MUC12: variants seen among roughly 807,000 people sequenced by gnomAD.
MUC12 encodes the protein mucin 12, cell surface associated, also known as mucin-12.
Under a neutral mutation model 230.8 loss-of-function variants are expected in MUC12, and 172 were observed. The observed-to-expected ratio is 0.75, with a 90% confidence interval of 0.66 to 0.85. MUC12 has a LOEUF of 0.85. MUC12 is among the 40% of genes least tolerant of loss of function. The probability of loss-of-function intolerance (pLI) is 0.00; values close to 1 mark genes in which losing one functional copy is unlikely to be tolerated. For synonymous variants in MUC12, 1,259 were observed against 2,401.9 expected (o/e 0.52, Z 13.91); for missense variants, 3,506 against 5,920.6 (o/e 0.59, Z 13.38).
Position 100,993,892 on chromosome 7 carries a change from C to A in MUC12, c.3329C>A (p.Ser1110Ter). 1 of 1,491,940 alleles carries A rather than the reference C, an allele frequency of 6.7e-7. No homozygotes were observed. Among genetic ancestry groups the A allele is most frequent in the Non-Finnish European group, 8.9e-7 (1 of 1,125,136 alleles). The allele number at this position is 1,491,940 out of a possible 1,614,324, so 92.4% of individuals were successfully genotyped here. ...ACCACCTTCTACAGCAGCCCCAGAT[C>A]ACCAACCACAACACTCTCACCTGCC... ...ASTTFYSSPR[S>*]PTTTLSPASM... The change falls in exon 2 of 12, where the codon TCA becomes TAA. Residue 1110 changes from serine (S) to a stop codon, truncating the protein, a stop_gained. Transcript: ENST00000536621. LOFTEE classifies it high-confidence loss of function.
In MUC12 at chr7:101,004,541, A is replaced by G. The variant is rs530493387; in HGVS notation, c.13978A>G (p.Ser4660Gly). 17 of 1,536,658 alleles carry G rather than the reference A, an allele frequency of 1.1e-5. No individual in the cohort carries two copies. Among genetic ancestry groups the G allele is most frequent in the African/African-American group, 2.8e-5 (2 of 72,714 alleles). ...TGTTGAAGAACCTACCAGCTACCAC[A>G]GCAGCCCGGGCTCAATTGCAACAAC... The part of the protein sequence containing the change: ...ALVEEPTSYH[S>G]SPGSIATTHF... The change falls in exon 2 of 12, where the codon AGC becomes GGC. Residue 4660 changes from serine (S) to glycine (G), a missense_variant. Physicochemically the swap from Ser to Gly is moderately conservative, Grantham distance 56. Transcript: ENST00000536621.
intron 1 of MUC12, among the ~76,000 whole-genome samples, chr7:100,975,807 AC>A (rs1372200756): frequency 6.6e-6 from 1 of 152,312 alleles, no homozygotes; most frequent in Non-Finnish European, 1.5e-5. Flanking sequence ...CATTGTCTGA[AC>A]TTCCACAGAG....
At chr7:100,990,168 G>A (rs1793256081) in intron 1 of MUC12, among the ~76,000 whole-genome samples, 1 of 152,238 alleles carries the variant, frequency 6.6e-6, no homozygotes, top group African/African-American at 2.4e-5. Flanking sequence ...AGGACACACG[G>A]CAAGAAGTGA....
Position 100,991,256 on chromosome 7 carries a change from T to G in MUC12, c.693T>G (p.Thr231=), listed in dbSNP as rs1203271702. 32 of 1,537,412 alleles carry G rather than the reference T, an allele frequency of 2.1e-5. No individual in the cohort carries two copies. The highest frequency in any genetic ancestry group is 2.8e-5 in the Non-Finnish European group (32 of 1,146,974). The change falls in exon 2 of 12, where the codon ACT becomes ACG. Residue 231 remains threonine, a synonymous_variant. Transcript: ENST00000536621. ...CCTTCCACAGCAGCCCAGGCTACAC[T>G]AAAACAACACGCTTACCTGACAACA... ...STTFHSSPGY[T]KTTRLPDNTT... is the part of the protein sequence containing the mutation.
intron 3 of MUC12, among the ~76,000 whole-genome samples, chr7:101,008,285 C>G (rs924671754): frequency 3.3e-5 from 5 of 151,916 alleles, no homozygotes; most frequent in African/African-American, 7.3e-5. Context: ...CACTACCATG[C>G]CTGGTTAATT....
In MUC12 at chr7:101,013,014, C is replaced by G. The variant is rs1793860933; in HGVS notation, c.15510C>G (p.Thr5170=). The G allele has an allele frequency of 6.5e-7, 1 of 1,537,230 alleles. No individual in the cohort carries two copies. The highest frequency in any genetic ancestry group is 8.7e-7 in the Non-Finnish European group (1 of 1,146,948). The change falls in exon 8 of 12, where the codon ACC becomes ACG. Residue 5170 remains threonine (T), a synonymous_variant. Transcript: ENST00000536621. ...QCTQKAAEGY[T]QFYYVDVLDG... is the part of the protein sequence containing the mutation. ...CCCAGAAGGCTGCCGAAGGATATAC[C>G]CAGTTCTACTATGTGGATGTCTTGG...
chr7:101,018,544 C>T, intron 11 of MUC12, 51 bp from the exon 12 acceptor site: 2 of 1,531,508 alleles, frequency 1.3e-6, no homozygotes, highest in East Asian at 2.5e-5. Context: ...CTGGGGCTCC[C>T]CCTTTCCCGG....
Position 101,004,711 on chromosome 7 carries a change from C to G in MUC12, c.14148C>G (p.Ile4716Met), listed in dbSNP as rs774588649. ...TTGCAGAATCTACCACCTTCTATAT[C>G]TCTCCAGGCTCAATGGAAACAACAT... ...GRIAESTTFY[I>M]SPGSMETTLA... Residue 4716 changes from isoleucine to methionine, a missense_variant, in exon 2 of 12, where the codon ATC becomes ATG. By Grantham distance (10) the Ile-to-Met change is conservative (BLOSUM62 1). Coordinates refer to ENST00000536621, the MANE Select transcript of MUC12 (RefSeq NM_001164462.2). 6 of 1,536,950 alleles carry G rather than the reference C, an allele frequency of 3.9e-6. No homozygotes were observed. In the East Asian group the frequency reaches 9.8e-5, roughly 25 times the overall value.
chr7:100,981,210 G>T (rs1251123143), intron 1 of MUC12, among the ~76,000 whole-genome samples: 2 of 152,132 alleles, frequency 1.3e-5, no homozygotes, highest in African/African-American at 4.8e-5. Context: ...CCTTTGCCTA[G>T]CTTCCTTGTG....
chr7:101,011,034 A>G (rs1314316622), intron 5 of MUC12, among the ~76,000 whole-genome samples: 1 of 152,166 alleles, frequency 6.6e-6, no homozygotes, highest in Middle Eastern at 3.2e-3. Context: ...GAGATGGCTC[A>G]GGTCGGGGGT....
At chr7:100,990,534 G>A in intron 1 of MUC12, 97 bp from the exon 2 acceptor site, 1 of 1,413,014 alleles carries the variant, frequency 7.1e-7, no homozygotes, top group Non-Finnish European at 9.6e-7. Context: ...GGCTGACCAG[G>A]TGTCTTCCAG....
chr7:101,012,625 C>T (rs1277692584), intron 6 of MUC12, among the ~76,000 whole-genome samples, 178 bp downstream of exon 6: 1 of 152,116 alleles, frequency 6.6e-6, no homozygotes, highest in Non-Finnish European at 1.5e-5. Context: ...AGCCCCCTCT[C>T]GGTCCCAGGC....
Position 100,991,361 on chromosome 7 carries a change from C to A in MUC12, c.798C>A (p.Ser266=). Reference sequence around the variant, plus strand: ...CGCCACACACAACACTGTCCCCTTCCAGCTCTACAACCCATGAGGGAGAAC... The same window carrying A: ...CGCCACACACAACACTGTCCCCTTCAAGCTCTACAACCCATGAGGGAGAAC... ...TGSPHTTLSP[S]SSTTHEGEPT... is the part of the protein sequence containing the mutation. Residue 266 remains serine (S), a synonymous_variant, in exon 2 of 12, where the codon TCC becomes TCA. Coordinates refer to ENST00000536621, the MANE Select transcript of MUC12 (RefSeq NM_001164462.2). 4 of 1,537,858 alleles carry A rather than the reference C, an allele frequency of 2.6e-6. No individual in the cohort carries two copies. The South Asian group carries it at 4.8e-5, about 18-fold the overall frequency.
chr7:100,969,632 A>G lies in MUC12; in HGVS notation c.10A>G (p.Ile4Val). 1 of 1,537,452 alleles carries G rather than the reference A, an allele frequency of 6.5e-7. No homozygotes were observed. Among genetic ancestry groups the G allele is most frequent in the Non-Finnish European group, 8.7e-7 (1 of 1,146,954 alleles). Reference sequence around the variant, plus strand: ...GCCCGTTCCCCGGGAGATGCTGGTGATCTGGATTCTGACGCTGGCTCTCCG... The same window carrying G: ...GCCCGTTCCCCGGGAGATGCTGGTGGTCTGGATTCTGACGCTGGCTCTCCG... MLVIWILTLALRLC... is the reference protein window; with the variant it reads MLVVWILTLALRLC... Residue 4 changes from isoleucine to valine, a missense_variant, in exon 1 of 12, where the codon ATC becomes GTC. By Grantham distance (29) the Ile-to-Val change is conservative. Coordinates refer to ENST00000536621, the MANE Select transcript of MUC12 (RefSeq NM_001164462.2).
In MUC12 at chr7:101,004,650, C is replaced by A; in HGVS notation, c.14087C>A (p.Thr4696Lys). ...AGCAGCCCAGATACAAATGGAATCA[C>A]ACCCTTACCTGCCCATTTTACTACC... ...SHSSPDTNGI[T>K]PLPAHFTTSG... Residue 4696 changes from threonine (T) to lysine (K), a missense_variant, in exon 2 of 12, where the codon ACA becomes AAA. By Grantham distance (78) the Thr-to-Lys change is moderately conservative. Transcript: ENST00000536621. The A allele has an allele frequency of 6.5e-7, 1 of 1,537,468 alleles. No individual in the cohort carries two copies. The highest frequency in any genetic ancestry group is 8.7e-7 in the Non-Finnish European group (1 of 1,146,656).
rs1475674630 is a variant in MUC12 at position 101,008,745 on chromosome 7, C to T, written c.15170C>T (p.Thr5057Ile). 7 of 1,537,146 alleles carry T rather than the reference C, an allele frequency of 4.6e-6. No individual in the cohort carries two copies. Among genetic ancestry groups the T allele is most frequent in the African/African-American group, 1.4e-5 (1 of 73,160 alleles). Reference sequence around the variant, plus strand: ...TCCCAGGAATACCAGAACTTCAGTACCCTCTTCAAGAATCGGGTAAGACCA... The same window carrying T: ...TCCCAGGAATACCAGAACTTCAGTATCCTCTTCAAGAATCGGGTAAGACCA... ...ASSQEYQNFS[T>I]LFKNRMDVVL... Residue 5057 changes from threonine to isoleucine, a missense_variant, in exon 4 of 12, where the codon ACC becomes ATC. Coordinates refer to ENST00000536621, the MANE Select transcript of MUC12 (RefSeq NM_001164462.2).
rs34214710 is a variant in MUC12 at position 100,992,486 on chromosome 7, G to C, written c.1923G>C (p.Lys641Asn). 0.13 allele frequency: 194,690 copies of C among 1,513,198 alleles called. 15,004 individuals carry two copies. The highest frequency in any genetic ancestry group is 0.2 in the African/African-American group (14,536 of 72,516). The allele number at this position is 1,513,198 out of a possible 1,614,324, so 93.7% of individuals were successfully genotyped here. ...CATTCCATAGCTGGCCAAGCTCAAA[G>C]GACACTAGGCCTGCACCTCCTACTA... is the stretch of plus-strand genomic sequence containing the variant. Reference protein sequence around the residue: ...STTFHSWPSSKDTRPAPPTTT... With the variant: ...STTFHSWPSSNDTRPAPPTTT... Residue 641 changes from lysine (K) to asparagine (N), a missense_variant, in exon 2 of 12, where the codon AAG (lysine) becomes AAC (asparagine). Coordinates refer to ENST00000536621, the MANE Select transcript of MUC12 (RefSeq NM_001164462.2).
At chr7:100,970,733 A>G (rs1206955878) in intron 1 of MUC12, among the ~76,000 whole-genome samples, 1 of 151,892 alleles carries the variant, frequency 6.6e-6, no homozygotes, top group African/African-American at 2.4e-5. Context: ...TTAGCTGGGC[A>G]TGGCCTGTAA....
intron 1 of MUC12, chr7:100,981,394 G>T: frequency 1.5e-6 from 1 of 646,590 alleles, no homozygotes; most frequent in Non-Finnish European, 2.8e-6. Context: ...GGGCTTGGTG[G>T]AGTTTGCTAG....
Sources: allele counts gnomAD v4.1 joint callset (sites outside exome capture counted in the v4.1 genomes callset), GRCh38; gene constraint gnomAD v4.1.1; transcripts MANE v1.5; gene names NCBI Gene and HGNC (gene_info 2026-07-23, HGNC 2026-07-21).